Variants in FOXP1 observed in about 807,000 individuals in gnomAD.
FOXP1 encodes forkhead box protein P1.
A neutral mutation model predicts 98.2 loss-of-function variants in FOXP1; 15 were observed. That is an observed-to-expected ratio of 0.15 (90% confidence interval 0.10 to 0.24). The LOEUF (loss-of-function observed/expected upper bound fraction) is 0.24, where lower values mean the gene tolerates loss of function less well. Ranked by LOEUF, FOXP1 falls within the 10% of genes least tolerant of loss-of-function variation. The pLI is 1.00. For synonymous variants in FOXP1, 371 were observed against 314.5 expected (o/e 1.18, Z -1.90); for missense variants, 633 against 848.5 (o/e 0.75, Z 3.15).
At chr3:71,313,818 C>T (rs527385221) in intron 4 of FOXP1, among the ~76,000 whole-genome samples, 5 of 152,298 alleles carry the variant, frequency 3.3e-5, no homozygotes, top group African/African-American at 1.2e-4. Context: ...AGCCACCGTG[C>T]CCGGTCGAGT....
intron 11 of FOXP1, among the ~76,000 whole-genome samples, chr3:71,034,010 C>T (rs1050318880): frequency 3.3e-5 from 5 of 152,098 alleles, no homozygotes; most frequent in African/African-American, 1.2e-4. Context: ...GTATCTTAGG[C>T]CTCTGCAGTT....
intron 4 of FOXP1, among the ~76,000 whole-genome samples, chr3:71,321,317 T>C (rs2107669336): frequency 6.6e-6 from 1 of 152,016 alleles, no homozygotes; most frequent in South Asian, 2.1e-4. Flanking sequence ...GAAGAAAGAG[T>C]TGTCATGGGA....
At chr3:71,010,870 G>A (rs2043509007) in intron 12 of FOXP1, among the ~76,000 whole-genome samples, 1 of 117,712 alleles carries the variant, frequency 8.5e-6, no homozygotes, top group Non-Finnish European at 1.6e-5. Flanking sequence ...AAAGAAGCCA[G>A]GTGGTTTTTA....
chr3:71,262,264 C>CCA (rs2069222570), intron 5 of FOXP1, among the ~76,000 whole-genome samples: 2 of 25,698 alleles, frequency 7.8e-5, no homozygotes, highest in African/African-American at 1.3e-4. Context: ...GACTCTGTCA[C>CCA]AAAAAAAAAA....
chr3:71,097,586 C>T (rs1051766266), intron 7 of FOXP1, among the ~76,000 whole-genome samples: 4 of 152,102 alleles, frequency 2.6e-5, no homozygotes, highest in South Asian at 2.1e-4. Flanking sequence ...ACTGAGACAA[C>T]GATGGAGGAA....
At chr3:71,389,557 T>C (rs1196757762) in intron 3 of FOXP1, among the ~76,000 whole-genome samples, 1 of 152,118 alleles carries the variant, frequency 6.6e-6, no homozygotes, top group Non-Finnish European at 1.5e-5. Flanking sequence ...AAACTCCTAC[T>C]TGCTCCTCAA....
At chr3:71,432,790 A>G (rs2084840871) in intron 3 of FOXP1, among the ~76,000 whole-genome samples, 1 of 151,468 alleles carries the variant, frequency 6.6e-6, no homozygotes, top group South Asian at 2.1e-4. Flanking sequence ...TGGAGCTCCT[A>G]AGTCAAGCCT....
intron 11 of FOXP1, among the ~76,000 whole-genome samples, chr3:71,033,573 T>C (rs1444636453): frequency 6.6e-6 from 1 of 150,392 alleles, no homozygotes; most frequent in East Asian, 1.9e-4. Context: ...TGAGGTTTTT[T>C]TGTTTAATCA....
At chr3:71,548,555 C>T (rs2107655648) in intron 2 of FOXP1, among the ~76,000 whole-genome samples, 1 of 152,210 alleles carries the variant, frequency 6.6e-6, no homozygotes, top group Admixed American at 6.5e-5. Context: ...TGAGCCACCA[C>T]ACCCAGCTAA....
chr3:71,517,949 G>A (rs1461428674), intron 2 of FOXP1, among the ~76,000 whole-genome samples: 1 of 152,040 alleles, frequency 6.6e-6, no homozygotes, highest in Non-Finnish European at 1.5e-5. Flanking sequence ...AATACATCAG[G>A]TGCACTGGAT....
rs183917349 is a variant in FOXP1 at position 71,513,866 on chromosome 3, C to G, written c.-297-20311G>C. ...GACCTGCCACAACTCTTAAGGCTAG[C>G]TCTACCTATCACCGTCACTCGCTGT... On this transcript the variant is annotated intron_variant, in intron 2 of 20. Transcript: ENST00000649528. Among the ~76,000 whole-genome samples, 8 of 152,346 alleles carry G rather than the reference C, an allele frequency of 5.3e-5. No individual in the cohort carries two copies. The East Asian group carries it at 1.5e-3, about 29-fold the overall frequency.
chr3:71,535,940 T>C (rs576675780), intron 2 of FOXP1, among the ~76,000 whole-genome samples: 1 of 152,248 alleles, frequency 6.6e-6, no homozygotes, highest in East Asian at 1.9e-4. Flanking sequence ...ACAAGAACAC[T>C]AAGTATTCAG....
At chr3:70,990,482 C>T (rs978373407) in intron 13 of FOXP1, among the ~76,000 whole-genome samples, 13 of 151,964 alleles carry the variant, frequency 8.6e-5, no homozygotes, top group South Asian at 2.1e-4. Context: ...TCAATTTTCA[C>T]GGCATCCTTT....
At chr3:70,961,307 T>C (rs942156729) in intron 20 of FOXP1, among the ~76,000 whole-genome samples, 2 of 152,118 alleles carry the variant, frequency 1.3e-5, no homozygotes, top group East Asian at 1.9e-4. Flanking sequence ...CTCGGCTCAC[T>C]GCAACCTCCA....
intron 7 of FOXP1, among the ~76,000 whole-genome samples, chr3:71,094,127 A>C (rs1473118531): frequency 6.6e-6 from 1 of 152,230 alleles, no homozygotes; most frequent in East Asian, 1.9e-4. Context: ...TATTTTAGGC[A>C]CTGCAGGACG....
intron 3 of FOXP1, among the ~76,000 whole-genome samples, chr3:71,383,643 G>A (rs964568152): frequency 6.6e-6 from 1 of 152,036 alleles, no homozygotes; most frequent in South Asian, 2.1e-4. Flanking sequence ...GAAAAAGCAG[G>A]GGTGTCTGTG....
intron 6 of FOXP1, among the ~76,000 whole-genome samples, chr3:71,192,599 T>C (rs987952080): frequency 6.6e-6 from 1 of 152,266 alleles, no homozygotes; most frequent in African/African-American, 2.4e-5. Flanking sequence ...AATGAAGGGA[T>C]GGATTTTGCC....
At chr3:71,536,444 T>A (rs1480269609) in intron 2 of FOXP1, among the ~76,000 whole-genome samples, 1 of 152,120 alleles carries the variant, frequency 6.6e-6, no homozygotes, top group East Asian at 1.9e-4. Flanking sequence ...AGAATCGGAA[T>A]TTTAGCACTT....
intron 4 of FOXP1, among the ~76,000 whole-genome samples, chr3:71,352,111 T>C (rs558703259): frequency 6.6e-6 from 1 of 152,220 alleles, no homozygotes; most frequent in East Asian, 1.9e-4. Flanking sequence ...AAATAATGCC[T>C]GCAAGTCGAT....
Sources: allele counts gnomAD v4.1 joint callset (sites outside exome capture counted in the v4.1 genomes callset), GRCh38; gene constraint gnomAD v4.1.1; transcripts MANE v1.5; gene names NCBI Gene and HGNC (gene_info 2026-07-23, HGNC 2026-07-21).